The following CAST variants were observed in gnomAD, a reference collection of about 807,000 sequenced individuals.
CAST encodes calpastatin, also known as MIR583 host.
Under a neutral mutation model 119.6 loss-of-function variants are expected in CAST, and 76 were observed. That is an observed-to-expected ratio of 0.64 (90% confidence interval 0.53 to 0.77). The LOEUF (loss-of-function observed/expected upper bound fraction) is 0.77. Among genes scored for constraint, CAST ranks in the 30% least tolerant of loss-of-function variants. The pLI is 0.00. For missense variants in CAST, 953 were observed against 946.5 expected, an observed-to-expected ratio of 1.01 and a Z score of -0.09; for synonymous variants, 319 against 331.6, an observed-to-expected ratio of 0.96 and a Z score of 0.41.
intron 1 of CAST, among the ~76,000 whole-genome samples, chr5:96,551,382 AC>A (rs1467636139): frequency 6.6e-6 from 1 of 152,136 alleles, no homozygotes; most frequent in Non-Finnish European, 1.5e-5. Flanking sequence ...GATTTTTGTC[AC>A]CCCCAGGCCT....
At chr5:96,309,309 A>T in the CAST span, among the ~76,000 whole-genome samples, 3 of 152,214 alleles carry the variant, frequency 2.0e-5, no homozygotes, top group Non-Finnish European at 2.9e-5. Flanking sequence ...CTCCCCACCA[A>T]GCTTGAGTGG....
At chr5:96,583,290 G>T (rs574477426) in intron 1 of CAST, among the ~76,000 whole-genome samples, 1 of 151,482 alleles carries the variant, frequency 6.6e-6, no homozygotes, top group Admixed American at 6.6e-5. Flanking sequence ...TGAATCTTTG[G>T]TAATAAGGTT....
chr5:96,006,695 A>G, the CAST span, among the ~76,000 whole-genome samples: 3 of 152,346 alleles, frequency 2.0e-5, no homozygotes, highest in Non-Finnish European at 4.4e-5. Context: ...AACAGGTATT[A>G]AACTTGAAAA....
At chr5:96,495,084 C>T in the CAST span, among the ~76,000 whole-genome samples, 3 of 145,472 alleles carry the variant, frequency 2.1e-5, no homozygotes, top group East Asian at 6.1e-4. Flanking sequence ...GAGATCGCAC[C>T]ATTGCACTCC....
At chr5:96,604,108 C>T (rs914239957) in intron 1 of CAST, among the ~76,000 whole-genome samples, 1 of 152,128 alleles carries the variant, frequency 6.6e-6, no homozygotes, top group Non-Finnish European at 1.5e-5. Context: ...AGCATTTACA[C>T]TAGCATCACC....
chr5:96,637,280 A>T (rs1747899507), intron 1 of CAST, among the ~76,000 whole-genome samples: 1 of 152,190 alleles, frequency 6.6e-6, no homozygotes, highest in Non-Finnish European at 1.5e-5. Flanking sequence ...CATTTCACAA[A>T]TGAGAAACTA....
chr5:96,032,829 A>C, the CAST span, among the ~76,000 whole-genome samples: 1 of 152,290 alleles, frequency 6.6e-6, no homozygotes, highest in Middle Eastern at 3.4e-3. Flanking sequence ...TAGCCAGAGC[A>C]ATTAGGCAAG....
chr5:96,442,761 C>A, the CAST span, among the ~76,000 whole-genome samples: 1 of 152,180 alleles, frequency 6.6e-6, no homozygotes, highest in Non-Finnish European at 1.5e-5. Context: ...CTGTGAAAAG[C>A]CTTAACTGGC....
At chr5:96,412,259 TCTC>T in the CAST span, 371,598 of 1,366,300 alleles carry the variant, frequency 0.27, 51,925 homozygotes, top group South Asian at 0.3. Flanking sequence ...GTTCTTTCCT[TCTC>T]CTCATATCCA....
chr5:96,358,334 G>C, the CAST span, among the ~76,000 whole-genome samples: 2 of 151,998 alleles, frequency 1.3e-5, no homozygotes, highest in African/African-American at 4.8e-5. Flanking sequence ...ATCTCCTTTA[G>C]TTCTGCTCTG....
chr5:96,488,394 A>G, the CAST span, among the ~76,000 whole-genome samples: 1 of 152,206 alleles, frequency 6.6e-6, no homozygotes, highest in Non-Finnish European at 1.5e-5. Context: ...TATTTGCAAA[A>G]TATACATTGA....
At chr5:96,210,628 C>A in the CAST span, among the ~76,000 whole-genome samples, 1 of 151,960 alleles carries the variant, frequency 6.6e-6, no homozygotes, top group East Asian at 1.9e-4. Context: ...AGACTGATTT[C>A]TTTCACTTTA....
intron 8 of CAST, among the ~76,000 whole-genome samples, chr5:96,730,371 T>C (rs2150446349): frequency 6.6e-6 from 1 of 152,362 alleles, no homozygotes; most frequent in South Asian, 2.1e-4. Flanking sequence ...GCTTACAATG[T>C]TGTTAAAAAA....
At chr5:96,011,251 G>A in the CAST span, among the ~76,000 whole-genome samples, 1 of 152,072 alleles carries the variant, frequency 6.6e-6, no homozygotes, top group South Asian at 2.1e-4. Context: ...AACGGAAAGA[G>A]GGCTATATAA....
At chr5:96,440,512 G>A in the CAST span, among the ~76,000 whole-genome samples, 1 of 152,264 alleles carries the variant, frequency 6.6e-6, no homozygotes, top group East Asian at 1.9e-4. Context: ...AAGGAGAGGA[G>A]CAGGTAGCAA....
At chr5:96,479,657 C>T in the CAST span, among the ~76,000 whole-genome samples, 7 of 152,034 alleles carry the variant, frequency 4.6e-5, no homozygotes, top group African/African-American at 1.7e-4. Flanking sequence ...ACCATGTTCA[C>T]CAGGATTGTC....
the CAST span, among the ~76,000 whole-genome samples, chr5:96,086,354 G>T: frequency 6.6e-6 from 1 of 152,110 alleles, no homozygotes; most frequent in East Asian, 1.9e-4. Flanking sequence ...ACAATTAGCA[G>T]ATTATTCTCA....
chr5:96,582,223 A>G (rs2150189498), intron 1 of CAST, among the ~76,000 whole-genome samples: 1 of 152,286 alleles, frequency 6.6e-6, no homozygotes, highest in South Asian at 2.1e-4. Context: ...TTTTCACTTT[A>G]TTTATATCTG....
intron 1 of CAST, among the ~76,000 whole-genome samples, chr5:96,534,815 A>G (rs1190636746): frequency 4.1e-5 from 6 of 146,604 alleles, no homozygotes; most frequent in Middle Eastern, 7.6e-3. Flanking sequence ...AAAGAAAGAA[A>G]GAAAGAAAAG....
Sources: allele counts gnomAD v4.1 joint callset (sites outside exome capture counted in the v4.1 genomes callset), GRCh38; gene constraint gnomAD v4.1.1; transcripts MANE v1.5; gene names NCBI Gene and HGNC (gene_info 2026-07-23, HGNC 2026-07-21).